HECTD4: variants seen among roughly 807,000 people sequenced by gnomAD.
The protein encoded by HECTD4 is HECT domain E3 ubiquitin protein ligase 4.
In HECTD4, 114 loss-of-function variants were observed where a neutral mutation model predicts 471.5. That is an observed-to-expected ratio of 0.24 (90% CI 0.21 to 0.28). HECTD4 has a LOEUF of 0.28. Ranked by LOEUF, HECTD4 falls within the 10% of genes least tolerant of loss-of-function variation. HECTD4 has a pLI of 1.00. For missense variants in HECTD4, 3,866 were observed against 5,651.5 expected, an observed-to-expected ratio of 0.68 and a Z score of 10.13; for synonymous variants, 2,012 against 2,256.0, an observed-to-expected ratio of 0.89 and a Z score of 3.07.
intron 1 of HECTD4, among the ~76,000 whole-genome samples, chr12:112,324,042 C>A (rs1181346215): frequency 4.2e-5 from 2 of 47,068 alleles, no homozygotes; most frequent in African/African-American, 4.2e-4. Flanking sequence ...TCCTTCCTTC[C>A]TTCCTTTCTT....
intron 1 of HECTD4, among the ~76,000 whole-genome samples, chr12:112,332,820 A>AC (rs1212481714): frequency 6.6e-6 from 1 of 151,972 alleles, no homozygotes; most frequent in East Asian, 1.9e-4. Flanking sequence ...GCAAAAAAAA[A>AC]AAACAAAAAT....
intron 7 of HECTD4, among the ~76,000 whole-genome samples, chr12:112,284,711 C>T (rs1040627425): frequency 2.0e-5 from 3 of 152,200 alleles, no homozygotes; most frequent in Non-Finnish European, 4.4e-5. Context: ...CCACCAGTGA[C>T]CTAAAACCAA....
chr12:112,176,547 A>G (rs1303489613), intron 65 of HECTD4, 49 bp downstream of exon 65: 3 of 1,330,302 alleles, frequency 2.3e-6, no homozygotes, highest in Non-Finnish European at 3.3e-6. Context: ...CCTAGTCTCC[A>G]GGATGGAAGT....
chr12:112,259,719 C>T (rs1345878205), intron 18 of HECTD4, among the ~76,000 whole-genome samples: 1 of 151,998 alleles, frequency 6.6e-6, no homozygotes, highest in African/African-American at 2.4e-5. Context: ...TTCATAGCAC[C>T]TTTGAAGCAC....
At position 112,164,116 on chromosome 12, in the gene HECTD4, G is replaced by C. The variant is rs1160163338; in HGVS notation, c.12694C>G (p.Leu4232Val). The change falls in exon 73 of 76, where the codon CTT (leucine) becomes GTT (valine). Residue 4232 changes from leucine (L) to valine (V), a missense_variant. By Grantham distance (32) the Leu-to-Val change is conservative. This residue lies in a region of HECTD4 where 715 missense variants were observed against 1,087.6 expected (regional missense o/e 0.66). Coordinates refer to ENST00000682272, the MANE Select transcript of HECTD4 (RefSeq NM_001388303.1). Reference protein sequence around the residue: ...VELCSRGRHILVAWENKDIYA... With the variant: ...VELCSRGRHIVVAWENKDIYA... The stretch of plus-strand genomic sequence containing the variant: ...ACACGCGCACACACTCACGCCACAA[G>C]GATGTGCCGGCCCCGGCTGCACAGC... 3 of 1,594,274 alleles carry C rather than the reference G, an allele frequency of 1.9e-6. No individual in the cohort carries two copies. The highest frequency in any genetic ancestry group is 2.6e-6 in the Non-Finnish European group (3 of 1,169,666).
intron 1 of HECTD4, among the ~76,000 whole-genome samples, chr12:112,320,851 C>G (rs2035571825): frequency 6.6e-6 from 1 of 152,004 alleles, no homozygotes. Context: ...GAAGCATACC[C>G]CATTCTTTTT....
rs1445057349 is a variant in HECTD4, at chr12:112,250,175, G to T, written c.3919C>A (p.Arg1307Ser). ...IMIKLREISG[R>S]ARPQFRPSIK... ...CTTGGTCTAAATTGAGGTCTAGCACGCCCAGAAATTTCCCTGAGCTTTATC... is the reference window on the plus strand; with the variant it reads ...CTTGGTCTAAATTGAGGTCTAGCACTCCCAGAAATTTCCCTGAGCTTTATC... Residue 1307 changes from arginine to serine, a missense_variant, in exon 25 of 76, where the codon CGT (arginine) becomes AGT (serine). Coordinates refer to ENST00000682272, the MANE Select transcript of HECTD4 (RefSeq NM_001388303.1). 1.9e-6 allele frequency: 3 copies of T among 1,613,592 alleles called. No homozygotes were observed. Among genetic ancestry groups the T allele is most frequent in the Admixed American group, 1.7e-5 (1 of 59,982 alleles).
At chr12:112,273,118 T>C (rs1036847384) in intron 11 of HECTD4, among the ~76,000 whole-genome samples, 8 of 152,336 alleles carry the variant, frequency 5.3e-5, no homozygotes, top group East Asian at 3.9e-4. Flanking sequence ...TGGTTGTTTT[T>C]GATAATTGCC....
chr12:112,243,818 T>C lies in HECTD4; in HGVS notation c.4649+56A>G, dbSNP rs865804878. The C allele has an allele frequency of 4.1e-5, 66 of 1,610,136 alleles. 1 individual carries two copies. In the South Asian group the frequency reaches 5.8e-4, roughly 14 times the overall value. ...GAGAAACACACTCAGGGAGCTTGTT[T>C]TGATGAATGCATTCAGCTGCATGTG... On this transcript the variant is annotated intron_variant, in intron 30 of 75. Coordinates refer to ENST00000682272, the MANE Select transcript of HECTD4 (RefSeq NM_001388303.1). This position sits in a 1 kb window ranked among gnomAD's most constrained non-coding sequence, Gnocchi z 6.6.
Position 112,382,087 on chromosome 12 carries a change from GGCC to G in HECTD4, c.39_41del (p.Ala15del), listed in dbSNP as rs890653160. ...CCGAGAGCCACTGCGCCGAGTCAGC[GGCC>G]GCCGCCGCCGCCGCCGCCGCGGCCG... On this transcript the variant is annotated inframe_deletion, in exon 1 of 76. Coordinates refer to ENST00000682272, the MANE Select transcript of HECTD4 (RefSeq NM_001388303.1). 990 of 1,188,844 alleles carry G rather than the reference GGCC, an allele frequency of 8.3e-4. No individual in the cohort carries two copies. Among genetic ancestry groups the G allele is most frequent in the East Asian group, 1.9e-3 (57 of 29,958 alleles). The allele number at this position is 1,188,844 out of a possible 1,614,324, so 73.6% of individuals were successfully genotyped here.
At chr12:112,201,372 G>A (rs533833540) in intron 54 of HECTD4, 153 of 160,688 alleles carry the variant, frequency 9.5e-4, no homozygotes, top group Non-Finnish European at 1.8e-3. Flanking sequence ...GATTACAGGC[G>A]TGAGCCGCCA....
At chr12:112,195,559 A>G (rs1448408516) in intron 55 of HECTD4, among the ~76,000 whole-genome samples, 1 of 152,258 alleles carries the variant, frequency 6.6e-6, no homozygotes, top group Non-Finnish European at 1.5e-5. Flanking sequence ...AGGAAAATGC[A>G]TAGAAACAGA....
chr12:112,309,808 A>G (rs1022462582), intron 4 of HECTD4, 139 bp from the exon 5 acceptor site: 2 of 516,070 alleles, frequency 3.9e-6, no homozygotes, highest in Non-Finnish European at 6.7e-6. Flanking sequence ...CTTCAATGTG[A>G]CTTTCAGGGA....
intron 16 of HECTD4, among the ~76,000 whole-genome samples, chr12:112,264,681 G>A (rs1018794304): frequency 1.3e-5 from 2 of 152,126 alleles, no homozygotes; most frequent in African/African-American, 4.8e-5. Flanking sequence ...TTAAGCAGGG[G>A]GAATAGTCTT....
chr12:112,276,454 AT>A (rs1420651534), intron 9 of HECTD4, among the ~76,000 whole-genome samples: 1 of 152,096 alleles, frequency 6.6e-6, no homozygotes, highest in East Asian at 1.9e-4. Flanking sequence ...TTTTTGTTTT[AT>A]TTATTTATTT....
intron 8 of HECTD4, among the ~76,000 whole-genome samples, chr12:112,280,418 C>A (rs1379037869): frequency 6.6e-6 from 1 of 152,072 alleles, no homozygotes; most frequent in Non-Finnish European, 1.5e-5. Flanking sequence ...AACTGGAGTG[C>A]TTTACTTAGA....
At chr12:112,178,507 G>A (rs558746941) in intron 64 of HECTD4, among the ~76,000 whole-genome samples, 9 of 152,314 alleles carry the variant, frequency 5.9e-5, no homozygotes, top group African/African-American at 2.2e-4. Context: ...TGATGGAGCT[G>A]AGGACTGAGA....
chr12:112,303,439 G>A (rs2035206509), intron 7 of HECTD4, among the ~76,000 whole-genome samples: 1 of 152,170 alleles, frequency 6.6e-6, no homozygotes, highest in Non-Finnish European at 1.5e-5. Flanking sequence ...AAAGTAGGGG[G>A]ATAAGAGATA....
chr12:112,208,500 G>T lies in HECTD4; in HGVS notation c.7998C>A (p.Ile2666=). The change falls in exon 51 of 76, where the codon ATC becomes ATA. Residue 2666 remains isoleucine (I), a synonymous_variant. Coordinates refer to ENST00000682272, the MANE Select transcript of HECTD4 (RefSeq NM_001388303.1). ...DESDDDDDDD[I]PQEDHYALLV... ...AAGCCTGTGGGTCTCTTACCTGAGGGATGTCATCATCGTCATCATCATCGC... is the reference window on the plus strand; with the variant it reads ...AAGCCTGTGGGTCTCTTACCTGAGGTATGTCATCATCGTCATCATCATCGC... The T allele has an allele frequency of 6.3e-7, 1 of 1,591,236 alleles. No homozygotes were observed. The highest frequency in any genetic ancestry group is 8.5e-7 in the Non-Finnish European group (1 of 1,170,684).
Sources: allele counts gnomAD v4.1 joint callset (sites outside exome capture counted in the v4.1 genomes callset), GRCh38; gene constraint gnomAD v4.1.1; regional missense constraint gnomAD v4.1.1; non-coding constraint Gnocchi (gnomAD v3.1); transcripts MANE v1.5; gene names NCBI Gene and HGNC (gene_info 2026-07-23, HGNC 2026-07-21).